The following CILP variants were observed in gnomAD, a reference collection of about 807,000 sequenced individuals.
CILP encodes cartilage intermediate layer protein 1.
Under a neutral mutation model 82.5 loss-of-function variants are expected in CILP, and 75 were observed. The observed-to-expected ratio is 0.91, with a 90% CI of 0.75 to 1.10. The LOEUF (loss-of-function observed/expected upper bound fraction) is 1.10, where lower values mean the gene tolerates loss of function less well. Ranked by LOEUF, CILP falls within the 50% of genes least tolerant of loss-of-function variation. The pLI is 0.00. For synonymous variants in CILP, 530 were observed against 580.3 expected, an observed-to-expected ratio of 0.91 and a Z score of 1.25; for missense variants, 1,479 against 1,530.8, an observed-to-expected ratio of 0.97 and a Z score of 0.56.
At chr15:65,200,646 A>G (rs1157663952) in intron 8 of CILP, among the ~76,000 whole-genome samples, 3 of 152,034 alleles carry the variant, frequency 2.0e-5, no homozygotes, top group African/African-American at 7.2e-5. Context: ...TGGCCCCTCA[A>G]TCTGGAACAC....
rs767664285 is a variant in CILP, at chr15:65,199,032, A to T, written c.1254T>A (p.Phe418Leu). The change falls in exon 9 of 9, where the codon TTT becomes TTA. Residue 418 changes from phenylalanine to leucine, a missense_variant. Coordinates refer to ENST00000261883, the MANE Select transcript of CILP (RefSeq NM_003613.4). ...AGTAGAAGGAGTTGGTGGCATTCTG[A>T]AAGCAATCATGGGGCAGCCGGATAA... ...SYLIRLPHDC[F>L]QNATNSFYYD... The T allele has an allele frequency of 1.2e-6, 2 of 1,605,974 alleles. No individual in the cohort carries two copies. The highest frequency in any genetic ancestry group is 2.2e-5 in the South Asian group (2 of 91,054).
Position 65,198,218 on chromosome 15 carries a change from G to T in CILP, c.2068C>A (p.Pro690Thr), listed in dbSNP as rs780641361. 6.2e-7 allele frequency: 1 copy of T among 1,614,222 alleles called. No homozygotes were observed. The highest frequency in any genetic ancestry group is 8.5e-7 in the Non-Finnish European group (1 of 1,180,052). Reference protein sequence around the residue: ...VHLDSTQVKMPEHISTVKLWS... With the variant: ...VHLDSTQVKMTEHISTVKLWS... ...AGTTTCACTGTGGATATGTGCTCTG[G>T]CATCTTGACCTGGGTCGAGTCAAGG... Residue 690 changes from proline (P) to threonine (T), a missense_variant, in exon 9 of 9, where the codon CCA (proline) becomes ACA (threonine). By Grantham distance (38) the Pro-to-Thr change is conservative. Coordinates refer to ENST00000261883, the MANE Select transcript of CILP (RefSeq NM_003613.4).
intron 1 of CILP, 107 bp downstream of exon 1, chr15:65,211,321 G>C (rs549115992): frequency 4.3e-4 from 65 of 152,622 alleles, no homozygotes; most frequent in African/African-American, 1.4e-3. Flanking sequence ...AGCAAAAAGT[G>C]GGGGGAAGTG....
intron 2 of CILP, among the ~76,000 whole-genome samples, 187 bp from the exon 3 acceptor site, chr15:65,207,951 T>C (rs1469868967): frequency 6.6e-6 from 1 of 152,176 alleles, no homozygotes; most frequent in Non-Finnish European, 1.5e-5. Context: ...TGTTTCCCCA[T>C]AAAATAGGAA....
chr15:65,196,891 T>C lies in CILP; in HGVS notation c.3395A>G (p.Tyr1132Cys). ...GGACTGGGCTGGGGTGCTTTGGAGG[T>C]ACTGGAAGGCACTCTGGCGGCCTAC... The part of the protein sequence containing the change: ...RQVGRQSAFQ[Y>C]LQSTPAQSPA... Residue 1132 changes from tyrosine (Y) to cysteine (C), a missense_variant, in exon 9 of 9, where the codon TAC becomes TGC. Transcript: ENST00000261883. 1.2e-6 allele frequency: 2 copies of C among 1,613,678 alleles called. No individual in the cohort carries two copies. Among genetic ancestry groups the C allele is most frequent in the Non-Finnish European group, 8.5e-7 (1 of 1,179,840 alleles).
At position 65,197,561 on chromosome 15, in the gene CILP, C is replaced by T. The variant is rs1208345676; in HGVS notation, c.2725G>A (p.Ala909Thr). Residue 909 changes from alanine to threonine, a missense_variant, in exon 9 of 9, where the codon GCA (alanine) becomes ACA (threonine). Ala to Thr is a moderately conservative substitution (Grantham distance 58). Coordinates refer to ENST00000261883, the MANE Select transcript of CILP (RefSeq NM_003613.4). The stretch of plus-strand genomic sequence containing the variant: ...ATCTGGTAGAACCGGAAGTGGGCTG[C>T]ACTGGGTGGTGCCTCTTCACATGCC... ...LRACEEAPPSAAHFRFYQIEG... is the reference protein window; with the variant it reads ...LRACEEAPPSTAHFRFYQIEG... 10 of 1,614,122 alleles carry T rather than the reference C, an allele frequency of 6.2e-6. No homozygotes were observed. Among genetic ancestry groups the T allele is most frequent in the Non-Finnish European group, 8.5e-6 (10 of 1,180,058 alleles).
intron 8 of CILP, among the ~76,000 whole-genome samples, chr15:65,200,689 C>T (rs999297179): frequency 2.6e-5 from 4 of 152,208 alleles, no homozygotes; most frequent in African/African-American, 7.2e-5. Context: ...CCTGCCCATT[C>T]TTTAAGACCA....
intron 6 of CILP, 74 bp from the exon 7 acceptor site, chr15:65,203,544 C>T: frequency 4.8e-6 from 5 of 1,042,062 alleles, no homozygotes; most frequent in Non-Finnish European, 7.4e-6. Context: ...AGCCTAGCTC[C>T]CTCAGGGTCT....
At chr15:65,201,113 T>C (rs2088445947) in intron 8 of CILP, among the ~76,000 whole-genome samples, 1 of 152,126 alleles carries the variant, frequency 6.6e-6, no homozygotes, top group Admixed American at 6.5e-5. Context: ...GCGATTCTAC[T>C]ACCTCAGCCT....
chr15:65,204,437 C>T lies in CILP; in HGVS notation c.750G>A (p.Pro250=), dbSNP rs371435054. The T allele has an allele frequency of 3.0e-5, 49 of 1,614,034 alleles. No homozygotes were observed. The highest frequency in any genetic ancestry group is 1.6e-4 in the Middle Eastern group (1 of 6,082). The part of the protein sequence containing the change: ...GAAIYLLTKT[P]KLLTQTDSDG... ...CACTGTCTGTCTGGGTCAGCAGCTT[C>T]GGCGTCTTGGTCAGGAGGTAGATAG... Residue 250 remains proline (P), a synonymous_variant, in exon 6 of 9, where the codon CCG becomes CCA. Transcript: ENST00000261883.
At position 65,204,438 on chromosome 15, in the gene CILP, G is replaced by C; in HGVS notation, c.749C>G (p.Pro250Arg). The change falls in exon 6 of 9, where the codon CCG becomes CGG. Residue 250 changes from proline (P) to arginine (R), a missense_variant. Transcript: ENST00000261883. ...GAAIYLLTKT[P>R]KLLTQTDSDG... Reference sequence around the variant, plus strand: ...ACTGTCTGTCTGGGTCAGCAGCTTCGGCGTCTTGGTCAGGAGGTAGATAGC... The same window carrying C: ...ACTGTCTGTCTGGGTCAGCAGCTTCCGCGTCTTGGTCAGGAGGTAGATAGC... The C allele has an allele frequency of 1.2e-6, 2 of 1,614,126 alleles. No homozygotes were observed. The highest frequency in any genetic ancestry group is 2.2e-5 in the East Asian group (1 of 44,882).
chr15:65,204,621 A>C, intron 5 of CILP, 39 bp from the exon 6 acceptor site: 3 of 1,554,290 alleles, frequency 1.9e-6, no homozygotes, highest in Non-Finnish European at 2.6e-6. Context: ...GATTCTATGG[A>C]TTCTGGCATT....
chr15:65,198,930 C>G lies in CILP; in HGVS notation c.1356G>C (p.Gln452His). Residue 452 changes from glutamine (Q) to histidine (H), a missense_variant, in exon 9 of 9, where the codon CAG (glutamine) becomes CAC (histidine). Gln to His is a conservative substitution (Grantham distance 24). Transcript: ENST00000261883. ...CTGTCTTGGAGATGCCACAGCAGTT[C>G]TGCACAGCATCACGGCACCTGATCC... ...DNGIRCRDAV[Q>H]NCCGISKTEE... is the part of the protein sequence containing the mutation. 1 of 1,614,072 alleles carries G rather than the reference C, an allele frequency of 6.2e-7. No homozygotes were observed. The highest frequency in any genetic ancestry group is 8.5e-7 in the Non-Finnish European group (1 of 1,180,032).
intron 1 of CILP, among the ~76,000 whole-genome samples, chr15:65,210,487 A>G (rs998563683): frequency 6.6e-6 from 1 of 152,232 alleles, no homozygotes; most frequent in Non-Finnish European, 1.5e-5. Context: ...GTGAGAGGCC[A>G]GGGCTCCCCA....
In CILP at chr15:65,206,791, A is replaced by G. The variant is rs2088521719; in HGVS notation, c.415T>C (p.Cys139Arg). 1.2e-6 allele frequency: 2 copies of G among 1,607,280 alleles called. No individual in the cohort carries two copies. Among genetic ancestry groups the G allele is most frequent in the African/African-American group, 1.3e-5 (1 of 74,880 alleles). Residue 139 changes from cysteine (C) to arginine (R), a missense_variant, in exon 4 of 9, where the codon TGC becomes CGC. Transcript: ENST00000261883. ...GGGCGTTCTGGCTTACCTGGTGGGCAGAGGAAGCGTACGGTGTAATTAGAG... is the reference window on the plus strand; with the variant it reads ...GGGCGTTCTGGCTTACCTGGTGGGCGGAGGAAGCGTACGGTGTAATTAGAG... ...NCSNYTVRFL[C>R]PPGSLRRDTE...
In CILP at chr15:65,199,700, G is replaced by A. The variant is rs184405173; in HGVS notation, c.1187-601C>T. ...CAGCTGGGCATGGTGGCACACGCCT[G>A]TAGTCCCAGCTACTCAGGAGGCTGA... On this transcript the variant is annotated intron_variant, in intron 8 of 8. Transcript: ENST00000261883. Among the ~76,000 whole-genome samples, 252 of 152,310 alleles carry A rather than the reference G, an allele frequency of 1.7e-3. 4 individuals are homozygous for A. Among genetic ancestry groups the A allele is most frequent in the African/African-American group, 5.9e-3 (247 of 41,574 alleles).
intron 5 of CILP, among the ~76,000 whole-genome samples, chr15:65,205,007 A>G (rs777663981): frequency 1.3e-5 from 2 of 152,068 alleles, no homozygotes; most frequent in Non-Finnish European, 2.9e-5. Flanking sequence ...CAATGGAGCA[A>G]GACTCTGTCT....
chr15:65,201,011 T>C (rs1325390264), intron 8 of CILP, among the ~76,000 whole-genome samples: 4 of 29,866 alleles, frequency 1.3e-4, no homozygotes, highest in Non-Finnish European at 3.1e-4. Flanking sequence ...TTCTTCTTCT[T>C]TTTTTTTTGA....
chr15:65,207,164 G>T, intron 3 of CILP, 113 bp from the exon 4 acceptor site: 1 of 1,200,372 alleles, frequency 8.3e-7, no homozygotes, highest in Non-Finnish European at 1.2e-6. Context: ...TGTCTCTCCA[G>T]TATCTCTCCA....
Sources: allele counts gnomAD v4.1 joint callset (sites outside exome capture counted in the v4.1 genomes callset), GRCh38; gene constraint gnomAD v4.1.1; transcripts MANE v1.5; gene names NCBI Gene and HGNC (gene_info 2026-07-23, HGNC 2026-07-21).